NOP9: variants seen among roughly 807,000 people sequenced by gnomAD.
NOP9 encodes nucleolar protein 9.
In NOP9, 50 loss-of-function variants were observed where a neutral mutation model predicts 63.0. That is an observed-to-expected ratio of 0.79 (90% confidence interval 0.63 to 1.00). The LOEUF is 1.00. Among genes scored for constraint, NOP9 ranks in the 50% least tolerant of loss-of-function variants. The pLI is 0.00. For missense variants in NOP9, 758 were observed against 803.0 expected (o/e 0.94, Z 0.68); for synonymous variants, 343 against 332.8 (o/e 1.03, Z -0.33).
the NOP9 span, among the ~76,000 whole-genome samples, chr14:24,286,395 C>G: frequency 1.3e-5 from 2 of 152,208 alleles, no homozygotes; most frequent in Non-Finnish European, 2.9e-5. Flanking sequence ...TCTCCTCCCT[C>G]TAGTCCATCC....
At position 24,302,422 on chromosome 14, in the gene NOP9, CTGGTGAGT is replaced by C; in HGVS notation, c.1143+2_1143+9del. 4.4e-6 allele frequency: 7 copies of C among 1,605,138 alleles called. No individual in the cohort carries two copies. Among genetic ancestry groups the C allele is most frequent in the Non-Finnish European group, 6.0e-6 (7 of 1,173,540 alleles). Reference sequence around the variant, plus strand: ...ACTGGATGCAGTCACTACCCCTGAGCTGGTGAGTTGGAAACCTGAGCTGGATCTGTTTC... The same window carrying C: ...ACTGGATGCAGTCACTACCCCTGAGCTGGAAACCTGAGCTGGATCTGTTTC... On this transcript the variant is annotated splice_donor_variant and splice_donor_5th_base_variant and coding_sequence_variant and intron_variant, in exon 5 of 10. Transcript: ENST00000267425. LOFTEE classifies it high-confidence loss of function.
chr14:24,306,595 C>A lies in NOP9; in HGVS notation c.*1500C>A. 2 of 1,592,222 alleles carry A rather than the reference C, an allele frequency of 1.3e-6. No homozygotes were observed. The highest frequency in any genetic ancestry group is 1.1e-5 in the South Asian group (1 of 90,250). On this transcript the variant is annotated 3_prime_UTR_variant, in exon 10 of 10. Transcript: ENST00000267425. ...CTTCCCTCTTTAGCTGCCCAACATC[C>A]ATCAGTTGGCTCTAGACATTGGTCG...
At chr14:24,275,576 C>T in the NOP9 span, among the ~76,000 whole-genome samples, 1 of 152,300 alleles carries the variant, frequency 6.6e-6, no homozygotes, top group East Asian at 1.9e-4. Flanking sequence ...CACAGAAGCA[C>T]ACACACATAG....
rs1202500132 is a variant in NOP9, at chr14:24,308,765, C to T, written c.*3670C>T. On this transcript the variant is annotated 3_prime_UTR_variant, in exon 10 of 10. Transcript: ENST00000267425. ...TGACAGTGAAACCCTCAAATGAACA[C>T]AATCCCTGCTTTCCTGCCAAGGATC... is the stretch of plus-strand genomic sequence containing the variant. 1 of 152,236 alleles carries T rather than the reference C, an allele frequency of 6.6e-6. No homozygotes were observed. The highest frequency in any genetic ancestry group is 1.5e-5 in the Non-Finnish European group (1 of 68,034). 9.4% of individuals were successfully genotyped at this position (152,236 alleles called of 1,614,324 possible). A position where few individuals can be genotyped will look rare whatever the true frequency, so the allele number is the denominator to read the frequency against.
intron 2 of NOP9, among the ~76,000 whole-genome samples, chr14:24,301,110 C>T (rs1375070475): frequency 1.3e-5 from 2 of 152,052 alleles, no homozygotes; most frequent in Non-Finnish European, 2.9e-5. Flanking sequence ...TTAAGCATGA[C>T]TTAATATACA....
rs1237066223 is a variant in NOP9 at position 24,306,126 on chromosome 14, C to T, written c.*1031C>T. On this transcript the variant is annotated 3_prime_UTR_variant, in exon 10 of 10. Transcript: ENST00000267425. ...GCCTCTCCCGTCCCAGGCCATATGA[C>T]AGCACTCCACTCTGTAGGACACCCT... 4 of 1,613,614 alleles carry T rather than the reference C, an allele frequency of 2.5e-6. No individual in the cohort carries two copies. The highest frequency in any genetic ancestry group is 3.4e-6 in the Non-Finnish European group (4 of 1,179,758).
chr14:24,291,100 A>G, the NOP9 span: 1 of 1,612,922 alleles, frequency 6.2e-7, no homozygotes, highest in South Asian at 1.1e-5. Flanking sequence ...GAACAGAGGG[A>G]ACAGCAGTCA....
At chr14:24,275,685 G>A in the NOP9 span, among the ~76,000 whole-genome samples, 4 of 152,130 alleles carry the variant, frequency 2.6e-5, no homozygotes, top group African/African-American at 9.6e-5. Context: ...CCTGGGCCAG[G>A]GCCCTGGGTC....
At chr14:24,280,753 G>A in the NOP9 span, among the ~76,000 whole-genome samples, 1 of 152,204 alleles carries the variant, frequency 6.6e-6, no homozygotes. Context: ...AAGTGCCCCT[G>A]AGGGAAATGA....
the NOP9 span, among the ~76,000 whole-genome samples, chr14:24,277,921 G>C: frequency 6.6e-6 from 1 of 152,214 alleles, no homozygotes; most frequent in Admixed American, 6.5e-5. Context: ...TGGGAAATCT[G>C]AGTCCCAGCA....
chr14:24,306,638 T>C lies in NOP9; in HGVS notation c.*1543T>C. The C allele has an allele frequency of 7.3e-7, 1 of 1,378,996 alleles. No homozygotes were observed. Among genetic ancestry groups the C allele is most frequent in the Non-Finnish European group, 1.0e-6 (1 of 988,664 alleles). The allele number at this position is 1,378,996 out of a possible 1,614,324, so 85.4% of individuals were successfully genotyped here. A position where few individuals can be genotyped will look rare whatever the true frequency, so the allele number is the denominator to read the frequency against. On this transcript the variant is annotated 3_prime_UTR_variant, in exon 10 of 10. Transcript: ENST00000267425. ...ATTGGTCGATGTCCCACTTTGACTT[T>C]CCGGCACTTTGATACCTCCTAAAGG... is the stretch of plus-strand genomic sequence containing the variant.
At position 24,304,952 on chromosome 14, in the gene NOP9, G is replaced by C. The variant is rs762261078; in HGVS notation, c.1768G>C (p.Glu590Gln). 2 of 1,551,630 alleles carry C rather than the reference G, an allele frequency of 1.3e-6. No homozygotes were observed. Among genetic ancestry groups the C allele is most frequent in the Non-Finnish European group, 1.7e-6 (2 of 1,151,468 alleles). Reference sequence around the variant, plus strand: ...TCCCTTTGCAGGGGAGCAGAACCAGGAGCTGATAAGAGACCCTTTCGGCCA... The same window carrying C: ...TCCCTTTGCAGGGGAGCAGAACCAGCAGCTGATAAGAGACCCTTTCGGCCA... The part of the protein sequence containing the change: ...IAAELGEQNQ[E>Q]LIRDPFGHHV... The change falls in exon 10 of 10, where the codon GAG (glutamate) becomes CAG (glutamine). Residue 590 changes from glutamate (E) to glutamine (Q), a missense_variant. Glu to Gln is a conservative substitution (Grantham distance 29, BLOSUM62 2). Transcript: ENST00000267425.
the NOP9 span, among the ~76,000 whole-genome samples, chr14:24,275,551 C>T: frequency 6.6e-6 from 1 of 152,224 alleles, no homozygotes; most frequent in Admixed American, 6.5e-5. Context: ...TCTACTCCTG[C>T]TCCCAACATA....
chr14:24,284,453 G>A, the NOP9 span, among the ~76,000 whole-genome samples: 12 of 152,298 alleles, frequency 7.9e-5, no homozygotes, highest in African/African-American at 2.9e-4. Flanking sequence ...GTGAGCACAG[G>A]CAGGTGATAG....
Position 24,305,728 on chromosome 14 carries a change from G to GGCCTT in NOP9, c.*636_*640dup. ...GAAATTCCCAGCAACATATGGCCCA[G>GGCCTT]GCCTTGCAGCAGTGTGGAGGTCCAA... is the stretch of plus-strand genomic sequence containing the variant. On this transcript the variant is annotated 3_prime_UTR_variant, in exon 10 of 10. Coordinates refer to ENST00000267425, the MANE Select transcript of NOP9 (RefSeq NM_174913.3). The GGCCTT allele has an allele frequency of 6.2e-7, 1 of 1,614,190 alleles. No individual in the cohort carries two copies. The highest frequency in any genetic ancestry group is 8.5e-7 in the Non-Finnish European group (1 of 1,180,032).
At position 24,307,968 on chromosome 14, in the gene NOP9, A is replaced by G; in HGVS notation, c.*2873A>G. 9.8e-7 allele frequency: 1 copy of G among 1,025,226 alleles called. No individual in the cohort carries two copies. The highest frequency in any genetic ancestry group is 1.5e-6 in the Non-Finnish European group (1 of 671,164). The allele number at this position is 1,025,226 out of a possible 1,614,324, so 63.5% of individuals were successfully genotyped here. On this transcript the variant is annotated 3_prime_UTR_variant, in exon 10 of 10. Coordinates refer to ENST00000267425, the MANE Select transcript of NOP9 (RefSeq NM_174913.3). Reference sequence around the variant, plus strand: ...AAACCTGGGATCTCAGCCCAGGACAAGGTGGGAATGAGTCAAGCCTGGACT... The same window carrying G: ...AAACCTGGGATCTCAGCCCAGGACAGGGTGGGAATGAGTCAAGCCTGGACT...
Position 24,305,433 on chromosome 14 carries a change from C to T in NOP9, c.*338C>T, listed in dbSNP as rs1384531099. The T allele has an allele frequency of 4.6e-6, 3 of 656,028 alleles. No homozygotes were observed. In the African/African-American group the frequency reaches 5.5e-5, roughly 12 times the overall value. The allele number at this position is 656,028 out of a possible 1,614,324, so 40.6% of individuals were successfully genotyped here. On this transcript the variant is annotated 3_prime_UTR_variant, in exon 10 of 10. Transcript: ENST00000267425. ...GGCCAGAAAGGTGGCTAGGAAAGAA[C>T]AGCATTCTTCAGGTAAGGGTATAGA...
chr14:24,281,618 G>A, the NOP9 span, among the ~76,000 whole-genome samples: 4 of 152,176 alleles, frequency 2.6e-5, no homozygotes, highest in Non-Finnish European at 4.4e-5. Flanking sequence ...CTGGAAGCGG[G>A]CAAAGCAAGG....
upstream of NOP9, chr14:24,298,971 C>T (rs752178395): frequency 2.4e-5 from 39 of 1,611,378 alleles, no homozygotes; most frequent in Non-Finnish European, 3.3e-5. Flanking sequence ...TGAGCAACAA[C>T]GCGAAGGGTG....
Sources: allele counts gnomAD v4.1 joint callset (sites outside exome capture counted in the v4.1 genomes callset), GRCh38; gene constraint gnomAD v4.1.1; transcripts MANE v1.5; gene names NCBI Gene and HGNC (gene_info 2026-07-23, HGNC 2026-07-21).